RNF220: variants seen among roughly 807,000 people sequenced by gnomAD.
RNF220 encodes ring finger protein 220, also known as E3 ubiquitin-protein ligase RNF220.
Under a neutral mutation model 67.1 loss-of-function variants are expected in RNF220, and 7 were observed. The observed-to-expected ratio is 0.10, with a 90% CI of 0.06 to 0.20. The LOEUF is 0.20. RNF220 is among the 10% of genes least tolerant of loss of function. RNF220 has a pLI of 1.00. For missense variants in RNF220, 565 were observed against 740.3 expected (o/e 0.76, Z 2.75); for synonymous variants, 270 against 283.2 (o/e 0.95, Z 0.47).
intron 2 of RNF220, among the ~76,000 whole-genome samples, chr1:44,591,925 T>C (rs1278919005): frequency 6.6e-6 from 1 of 152,074 alleles, no homozygotes; most frequent in Non-Finnish European, 1.5e-5. Context: ...CTCCTCCTCC[T>C]CCTCCTTACT....
Position 44,573,876 on chromosome 1 carries a change from G to T in RNF220, c.626-40289G>T, listed in dbSNP as rs550574129. Among the ~76,000 whole-genome samples the T allele has an allele frequency of 5.3e-5, 8 of 152,340 alleles. No homozygotes were observed. In the South Asian group the frequency reaches 1.4e-3, roughly 28 times the overall value. The stretch of plus-strand genomic sequence containing the variant: ...CCCCTGTAATGCCAGCACTTTGGGA[G>T]CCCAAGGTGGGTGGATTGCTTGAGC... On this transcript the variant is annotated intron_variant, in intron 2 of 14. Transcript: ENST00000361799.
chr1:44,637,079 C>T (rs1644351799), intron 8 of RNF220, among the ~76,000 whole-genome samples: 2 of 152,238 alleles, frequency 1.3e-5, no homozygotes, highest in East Asian at 1.9e-4. Context: ...CTCTGGGCAA[C>T]ACCTTTGGGA....
At chr1:44,546,174 C>T (rs180967487) in intron 2 of RNF220, among the ~76,000 whole-genome samples, 2 of 152,208 alleles carry the variant, frequency 1.3e-5, no homozygotes, top group Admixed American at 6.5e-5. Context: ...GGCTGCAGGA[C>T]GTGGGAGGAG....
intron 2 of RNF220, among the ~76,000 whole-genome samples, chr1:44,542,309 T>C (rs1259152778): frequency 6.6e-6 from 1 of 152,194 alleles, no homozygotes; most frequent in East Asian, 1.9e-4. Flanking sequence ...TATCTGTATC[T>C]GGGTGCCGTG....
At chr1:44,473,076 T>G (rs1013273819) in intron 2 of RNF220, among the ~76,000 whole-genome samples, 1 of 152,162 alleles carries the variant, frequency 6.6e-6, no homozygotes, top group South Asian at 2.1e-4. Flanking sequence ...TTCCTGGGAC[T>G]ACACTAGGCA....
At chr1:44,421,250 T>C (rs1649180360) in intron 2 of RNF220, among the ~76,000 whole-genome samples, 1 of 152,192 alleles carries the variant, frequency 6.6e-6, no homozygotes, top group South Asian at 2.1e-4. Flanking sequence ...TCTCATGGTA[T>C]TTTCTTATTC....
chr1:44,428,870 C>T (rs767269874), intron 2 of RNF220, among the ~76,000 whole-genome samples: 2 of 151,936 alleles, frequency 1.3e-5, no homozygotes, highest in East Asian at 1.9e-4. Context: ...AAGTTGGGGT[C>T]GGGGAAAGTT....
At chr1:44,523,368 C>T (rs929954933) in intron 2 of RNF220, among the ~76,000 whole-genome samples, 1 of 152,210 alleles carries the variant, frequency 6.6e-6, no homozygotes, top group African/African-American at 2.4e-5. Context: ...CAGCCAGCAC[C>T]TTTCACCTCC....
At chr1:44,507,965 A>G (rs1045262279) in intron 2 of RNF220, among the ~76,000 whole-genome samples, 1 of 151,894 alleles carries the variant, frequency 6.6e-6, no homozygotes, top group African/African-American at 2.4e-5. Context: ...GGAGTGGTGG[A>G]GATGGGCTCG....
intron 8 of RNF220, among the ~76,000 whole-genome samples, chr1:44,637,020 G>A (rs1644349897): frequency 6.6e-6 from 1 of 152,276 alleles, no homozygotes; most frequent in Admixed American, 6.5e-5. Context: ...AGCTGGTACT[G>A]CAGCTTGTGG....
chr1:44,446,908 G>A (rs933734027), intron 2 of RNF220, among the ~76,000 whole-genome samples: 1 of 152,118 alleles, frequency 6.6e-6, no homozygotes, highest in Non-Finnish European at 1.5e-5. Context: ...GTGAAGTTAC[G>A]CAGATAACAC....
At chr1:44,609,911 C>T (rs1293927537) in intron 2 of RNF220, among the ~76,000 whole-genome samples, 2 of 152,210 alleles carry the variant, frequency 1.3e-5, no homozygotes, top group Admixed American at 1.3e-4. Context: ...GACCTGATTC[C>T]CCTGACTCCC....
chr1:44,449,383 T>C (rs1385820274), intron 2 of RNF220, among the ~76,000 whole-genome samples: 4 of 152,172 alleles, frequency 2.6e-5, no homozygotes, highest in African/African-American at 9.6e-5. Context: ...AACCCTCTTC[T>C]TCACGCCATC....
At chr1:44,442,512 C>CCCTT (rs1651665927) in intron 2 of RNF220, among the ~76,000 whole-genome samples, 1 of 58,144 alleles carries the variant, frequency 1.7e-5, no homozygotes, top group East Asian at 5.0e-4. Context: ...ACCACTCACA[C>CCCTT]TCTTTTTTTT....
chr1:44,416,910 G>C (rs1648598854), intron 2 of RNF220, among the ~76,000 whole-genome samples: 1 of 152,168 alleles, frequency 6.6e-6, no homozygotes, highest in African/African-American at 2.4e-5. Flanking sequence ...TTTATATAAA[G>C]GCATGTATCA....
chr1:44,632,555 C>G, intron 6 of RNF220, 170 bp downstream of exon 6: 1 of 689,584 alleles, frequency 1.5e-6, no homozygotes, highest in Non-Finnish European at 2.5e-6. Flanking sequence ...TCTCAGTTTC[C>G]CCGTCTGTCT....
At chr1:44,625,515 G>C (rs1643912464) in intron 4 of RNF220, among the ~76,000 whole-genome samples, 2 of 152,196 alleles carry the variant, frequency 1.3e-5, no homozygotes, top group Non-Finnish European at 2.9e-5. Flanking sequence ...AGCTGGGGAA[G>C]ACTCCTAGGG....
intron 2 of RNF220, among the ~76,000 whole-genome samples, chr1:44,582,053 C>T (rs1375317021): frequency 1.3e-5 from 2 of 152,216 alleles, no homozygotes; most frequent in South Asian, 2.1e-4. Flanking sequence ...AACGGAGCTG[C>T]TTCTCAGATC....
chr1:44,410,560 C>T (rs1468522371), intron 1 of RNF220: 1 of 152,218 alleles, frequency 6.6e-6, no homozygotes, highest in Non-Finnish European at 1.5e-5. Context: ...CAATTAATAA[C>T]AGTCATTGAC....
Sources: gnomAD v4.1 joint callset for allele counts (sites outside exome capture counted in the v4.1 genomes callset) on GRCh38, gnomAD v4.1.1 for gene constraint, MANE v1.5 for transcripts, NCBI Gene and HGNC (gene_info 2026-07-23, HGNC 2026-07-21) for gene names.